LTAP1: variants seen among roughly 807,000 people sequenced by gnomAD.
LTAP1 encodes HCV NS5A-transactivated protein 4.
chr1:154,220,507 T>TC, the LTAP1 span: 1 of 1,350,116 alleles, frequency 7.4e-7, no homozygotes, highest in Non-Finnish European at 1.1e-6. Context: ...CCCCTGGAGC[T>TC]CCCCGGCCAT....
the LTAP1 span, chr1:154,219,904 G>A: frequency 1.2e-6 from 2 of 1,613,432 alleles, no homozygotes; most frequent in Non-Finnish European, 1.7e-6. Flanking sequence ...CGCATGATTT[G>A]CCTCTTCACA....
chr1:154,207,395 C>T, the LTAP1 span: 8 of 1,556,324 alleles, frequency 5.1e-6, no homozygotes, highest in Non-Finnish European at 6.2e-6. Flanking sequence ...CGGCAAGCAG[C>T]CTGTCTTGCA....
chr1:154,216,218 A>G, the LTAP1 span, among the ~76,000 whole-genome samples: 4 of 152,010 alleles, frequency 2.6e-5, no homozygotes. Flanking sequence ...AATAGTCCTC[A>G]TACACTTCTT....
chr1:154,208,650 G>C, the LTAP1 span: 2 of 152,182 alleles, frequency 1.3e-5, no homozygotes, highest in Admixed American at 1.3e-4. Context: ...CACAAAACTA[G>C]TTAAGTGACA....
chr1:154,211,861 CTTTTT>C, the LTAP1 span: 31 of 149,986 alleles, frequency 2.1e-4, no homozygotes, highest in Admixed American at 3.8e-4. Flanking sequence ...TTCTTTTCTT[CTTTTT>C]TTTTTTTGAG....
the LTAP1 span, among the ~76,000 whole-genome samples, chr1:154,215,930 C>T: frequency 4.6e-5 from 7 of 151,348 alleles, no homozygotes; most frequent in Non-Finnish European, 5.9e-5. Context: ...CTCCGCCTCC[C>T]GGGTTCACGC....
the LTAP1 span, among the ~76,000 whole-genome samples, chr1:154,211,519 T>G: frequency 6.6e-6 from 1 of 150,954 alleles, no homozygotes; most frequent in Non-Finnish European, 1.5e-5. Flanking sequence ...GTATTTTTAG[T>G]AGAGACAGGG....
the LTAP1 span, among the ~76,000 whole-genome samples, chr1:154,214,268 C>T: frequency 4.6e-5 from 7 of 151,932 alleles, no homozygotes; most frequent in African/African-American, 1.5e-4. Context: ...AAGAGTGAAA[C>T]TCCATCTCAA....
the LTAP1 span, chr1:154,220,183 A>G: frequency 1.0e-6 from 1 of 954,238 alleles, no homozygotes; most frequent in Non-Finnish European, 1.7e-6. Context: ...GGTCGGCCCG[A>G]CTAAGTGACT....
chr1:154,212,322 A>C, the LTAP1 span: 75 of 1,614,066 alleles, frequency 4.6e-5, no homozygotes, highest in Non-Finnish European at 5.8e-5. Context: ...AAACTCACGC[A>C]GTGGCCAGCT....
At chr1:154,214,026 C>G in the LTAP1 span, 1 of 1,351,856 alleles carries the variant, frequency 7.4e-7, no homozygotes, top group Non-Finnish European at 1.0e-6. Context: ...GCCTGTAATC[C>G]CAACACTTTG....
At chr1:154,212,681 G>T in the LTAP1 span, 4 of 1,593,368 alleles carry the variant, frequency 2.5e-6, no homozygotes, top group African/African-American at 5.4e-5. Context: ...TTTTTTTTGA[G>T]ATGGAGTCTC....
At chr1:154,209,701 C>T in the LTAP1 span, among the ~76,000 whole-genome samples, 2 of 152,102 alleles carry the variant, frequency 1.3e-5, no homozygotes, top group East Asian at 1.9e-4. Context: ...ATTCTCCTGC[C>T]CCAGCCTCCC....
chr1:154,216,105 G>C, the LTAP1 span, among the ~76,000 whole-genome samples: 6 of 152,086 alleles, frequency 3.9e-5, no homozygotes, highest in Non-Finnish European at 7.4e-5. Flanking sequence ...CCAAAGTGCT[G>C]GGATTACAGG....
At chr1:154,216,655 C>T in the LTAP1 span, among the ~76,000 whole-genome samples, 1 of 152,086 alleles carries the variant, frequency 6.6e-6, no homozygotes, top group South Asian at 2.1e-4. Flanking sequence ...GCTGGGACTA[C>T]AGGCGCATGC....
the LTAP1 span, among the ~76,000 whole-genome samples, chr1:154,217,642 C>T: frequency 1.3e-5 from 2 of 152,056 alleles, no homozygotes; most frequent in Non-Finnish European, 2.9e-5. Flanking sequence ...AAGGGATTCT[C>T]CTACCTCAGC....
At chr1:154,215,136 C>T in the LTAP1 span, among the ~76,000 whole-genome samples, 17 of 152,162 alleles carry the variant, frequency 1.1e-4, no homozygotes, top group South Asian at 4.1e-4. Flanking sequence ...TGAGCTACTG[C>T]GCCCAGCCTC....
the LTAP1 span, chr1:154,220,211 C>T: frequency 1.7e-6 from 2 of 1,153,282 alleles, no homozygotes; most frequent in African/African-American, 1.5e-5. Flanking sequence ...CCACCTACTC[C>T]TGGAATAAGG....
chr1:154,220,569 G>A, the LTAP1 span: 2 of 691,038 alleles, frequency 2.9e-6, no homozygotes, highest in Non-Finnish European at 5.0e-6. Flanking sequence ...ATGGCGGACA[G>A]GCAGGAGAGC....
Sources: allele counts gnomAD v4.1 joint callset (sites outside exome capture counted in the v4.1 genomes callset), GRCh38; gene constraint gnomAD v4.1.1; transcripts MANE v1.5; gene names NCBI Gene and HGNC (gene_info 2026-07-23, HGNC 2026-07-21).